The following ABCB5 variants were observed in gnomAD, a reference collection of about 807,000 sequenced individuals.
ABCB5 encodes the protein ATP binding cassette subfamily B member 5.
Under a neutral mutation model 144.2 loss-of-function variants are expected in ABCB5, and 155 were observed. That is an observed-to-expected ratio of 1.08 (90% CI 0.94 to 1.23). ABCB5 has a LOEUF of 1.23. Ranked by LOEUF, ABCB5 falls within the 50% of genes most tolerant of loss-of-function variation. The pLI, the probability that ABCB5 is intolerant of heterozygous loss-of-function variation, is 0.00. For missense variants in ABCB5, 1,830 were observed against 1,520.8 expected, an observed-to-expected ratio of 1.20 and a Z score of -3.38; for synonymous variants, 610 against 528.6, an observed-to-expected ratio of 1.15 and a Z score of -2.11.
intron 16 of ABCB5, among the ~76,000 whole-genome samples, chr7:20,690,207 A>T (rs866396923): frequency 7.2e-4 from 110 of 152,376 alleles, no homozygotes; most frequent in African/African-American, 2.6e-3. Context: ...AAACTACAAT[A>T]GTATTACCAG....
At chr7:20,678,932 T>C (rs1322400166) in intron 14 of ABCB5, among the ~76,000 whole-genome samples, 1 of 152,290 alleles carries the variant, frequency 6.6e-6, no homozygotes, top group African/African-American at 2.4e-5. Flanking sequence ...ATGGGGAAAA[T>C]GTACATTGAC....
rs542525910 is a variant in ABCB5 at position 20,681,780 on chromosome 7, G to A, written c.1869+114G>A. The stretch of plus-strand genomic sequence containing the variant: ...ATCTTAAATTTCAAAAAGCAACCAA[G>A]GTTTATAGTTCCTCAGTAAAGAAAT... On this transcript the variant is annotated intron_variant, in intron 15 of 27. Coordinates refer to ENST00000404938, the MANE Select transcript of ABCB5 (RefSeq NM_001163941.2). 42 of 1,177,248 alleles carry A rather than the reference G, an allele frequency of 3.6e-5. No homozygotes were observed. The African/African-American group carries it at 6.2e-4, about 17-fold the overall frequency. 72.9% of individuals were successfully genotyped at this position (1,177,248 alleles called of 1,614,324 possible).
At chr7:20,672,102 T>A (rs927611964) in intron 14 of ABCB5, among the ~76,000 whole-genome samples, 1 of 152,170 alleles carries the variant, frequency 6.6e-6, no homozygotes, top group Admixed American at 6.5e-5. Flanking sequence ...CCATCCACAT[T>A]TTTTTCTTTG....
Position 20,734,709 on chromosome 7 carries a change from T to C in ABCB5, c.2868-4274T>C, listed in dbSNP as rs1583459921. Among the ~76,000 whole-genome samples the C allele has an allele frequency of 2.0e-5, 3 of 152,120 alleles. No homozygotes were observed. The South Asian group carries it at 6.2e-4, about 32-fold the overall frequency. ...GTAGAAGCCGTCTCTATTTCTACTA[T>C]CCTAGAAGTTTATCTGAAATGAGCA... On this transcript the variant is annotated intron_variant, in intron 23 of 27. Transcript: ENST00000404938.
In ABCB5 at chr7:20,656,488, T is replaced by C. The variant is rs138878542; in HGVS notation, c.1537-2018T>C. On this transcript the variant is annotated intron_variant, in intron 13 of 27. Transcript: ENST00000404938. ...GACATTTTACAAAAGAAGAATCAAA[T>C]GAACAATACATATATTGAAAATATG... is the stretch of plus-strand genomic sequence containing the variant. Among the ~76,000 whole-genome samples the C allele has an allele frequency of 2.0e-5, 3 of 151,978 alleles. No individual in the cohort carries two copies. The East Asian group carries it at 5.8e-4, about 29-fold the overall frequency.
At chr7:20,645,907 A>T in intron 8 of ABCB5, 27 bp downstream of exon 8, 1 of 1,612,832 alleles carries the variant, frequency 6.2e-7, no homozygotes, top group Non-Finnish European at 8.5e-7. Context: ...ATAACAAGAT[A>T]TGCTTGGTTT....
Position 20,643,253 on chromosome 7 carries a change from G to C in ABCB5, c.384G>C (p.Trp128Cys), listed in dbSNP as rs199687406. The C allele has an allele frequency of 6.2e-7, 1 of 1,613,708 alleles. No individual in the cohort carries two copies. Among genetic ancestry groups the C allele is most frequent in the Non-Finnish European group, 8.5e-7 (1 of 1,179,750 alleles). The stretch of plus-strand genomic sequence containing the variant: ...TTGGTTACATACAGATTTCCTTGTG[G>C]ATTATAACTGCAGCACGACAGACCA... ...LIFGYIQISL[W>C]IITAARQTKR... is the part of the protein sequence containing the mutation. The change falls in exon 6 of 28, where the codon TGG becomes TGC. Residue 128 changes from tryptophan (W) to cysteine (C), a missense_variant. Trp to Cys is a radical substitution (Grantham distance 215, BLOSUM62 -2). Coordinates refer to ENST00000404938, the MANE Select transcript of ABCB5 (RefSeq NM_001163941.2).
chr7:20,663,341 C>A (rs1265676999), intron 14 of ABCB5, among the ~76,000 whole-genome samples: 1 of 152,232 alleles, frequency 6.6e-6, no homozygotes, highest in East Asian at 1.9e-4. Flanking sequence ...TGAAAACAAT[C>A]CAAATGTCTG....
intron 9 of ABCB5, 98 bp downstream of exon 9, chr7:20,646,236 T>A (rs1343983527): frequency 8.5e-7 from 1 of 1,173,626 alleles, no homozygotes; most frequent in African/African-American, 1.6e-5. Context: ...CAAAGATGGA[T>A]GTTTTTATTA....
intron 14 of ABCB5, among the ~76,000 whole-genome samples, chr7:20,661,238 A>C (rs186850865): frequency 9.4e-4 from 143 of 152,346 alleles, no homozygotes; most frequent in African/African-American, 3.3e-3. Flanking sequence ...CTCCTTCTGG[A>C]ACTTCCCTTC....
At chr7:20,633,730 C>A (rs941552357) in intron 5 of ABCB5, among the ~76,000 whole-genome samples, 1 of 152,062 alleles carries the variant, frequency 6.6e-6, no homozygotes. Flanking sequence ...TCCTATCTAC[C>A]TATAACTTTA....
At chr7:20,635,963 A>T (rs1003817054) in intron 5 of ABCB5, among the ~76,000 whole-genome samples, 1 of 152,150 alleles carries the variant, frequency 6.6e-6, no homozygotes, top group African/African-American at 2.4e-5. Context: ...TCAGTTTCTC[A>T]TTCTCAATCA....
chr7:20,669,134 C>T (rs1583412784), intron 14 of ABCB5, among the ~76,000 whole-genome samples: 1 of 150,758 alleles, frequency 6.6e-6, no homozygotes, highest in Non-Finnish European at 1.5e-5. Flanking sequence ...GGCCAGCTGC[C>T]CCATCCGGGA....
chr7:20,670,153 T>G (rs1354339059), intron 14 of ABCB5, among the ~76,000 whole-genome samples: 1 of 152,046 alleles, frequency 6.6e-6, no homozygotes, highest in Non-Finnish European at 1.5e-5. Context: ...GATGACAAAA[T>G]GTACTGGGAT....
intron 14 of ABCB5, chr7:20,658,918 C>A (rs1784904329): frequency 2.1e-6 from 2 of 962,274 alleles, no homozygotes; most frequent in Non-Finnish European, 3.3e-6. Context: ...AAGCAATCAT[C>A]CAGTCTATAC....
At position 20,628,669 on chromosome 7, in the gene ABCB5, C is replaced by T. The variant is rs1271711866; in HGVS notation, c.109-19C>T. The T allele has an allele frequency of 8.7e-6, 14 of 1,604,430 alleles. No homozygotes were observed. Among genetic ancestry groups the T allele is most frequent in the African/African-American group, 1.3e-5 (1 of 74,512 alleles). ...GTTTGTTTTACAGTTGTGGTGCTAC[C>T]GTGCTTTGTTTTCCTCAGTTCCGCT... On this transcript the variant is annotated intron_variant, in intron 3 of 27. Transcript: ENST00000404938.
chr7:20,723,549 A>G (rs1781941145), intron 21 of ABCB5, among the ~76,000 whole-genome samples: 1 of 152,256 alleles, frequency 6.6e-6, no homozygotes. Flanking sequence ...TCATCTGCAA[A>G]GTGGGAATAA....
At chr7:20,645,296 T>C (rs1784377031) in intron 7 of ABCB5, among the ~76,000 whole-genome samples, 1 of 152,236 alleles carries the variant, frequency 6.6e-6, no homozygotes, top group Non-Finnish European at 1.5e-5. Flanking sequence ...ATGAGTATTA[T>C]TCCGCTTCTG....
At chr7:20,659,373 T>G (rs1784922976) in intron 14 of ABCB5, 1 of 1,255,572 alleles carries the variant, frequency 8.0e-7, no homozygotes, top group Non-Finnish European at 1.0e-6. Flanking sequence ...TACTTTGCAT[T>G]TGCTTGGAAG....
Sources: allele counts gnomAD v4.1 joint callset (sites outside exome capture counted in the v4.1 genomes callset), GRCh38; gene constraint gnomAD v4.1.1; transcripts MANE v1.5; gene names NCBI Gene and HGNC (gene_info 2026-07-23, HGNC 2026-07-21).